Variants in SNX8 observed in about 807,000 individuals in gnomAD.
The protein encoded by SNX8 is sorting nexin 8.
A neutral mutation model predicts 51.6 loss-of-function variants in SNX8; 25 were observed. The ratio of observed to expected loss-of-function variants is 0.48; its 90% confidence interval spans 0.35 to 0.68. The LOEUF (loss-of-function observed/expected upper bound fraction) is 0.68, where lower values mean the gene tolerates loss of function less well. Ranked by LOEUF, SNX8 falls within the 30% of genes least tolerant of loss-of-function variation. The probability of loss-of-function intolerance (pLI) is 0.00; values close to 1 mark genes in which losing one functional copy is unlikely to be tolerated. For missense variants in SNX8, 695 were observed against 624.0 expected (o/e 1.11, Z -1.21); for synonymous variants, 324 against 277.0 (o/e 1.17, Z -1.68).
chr7:2,348,895 G>A (rs1014217488), intron 1 of SNX8, among the ~76,000 whole-genome samples: 3 of 145,476 alleles, frequency 2.1e-5, no homozygotes, highest in Non-Finnish European at 4.5e-5. Context: ...GAGTTACAGT[G>A]AGCAGAGATT....
chr7:2,302,952 C>T lies in SNX8; in HGVS notation c.94+11376G>A, dbSNP rs532277396. 2.6e-3 allele frequency among the ~76,000 whole-genome samples: 397 copies of T among 152,062 alleles called. 1 individual carries two copies. The highest frequency in any genetic ancestry group is 8.9e-3 in the African/African-American group (369 of 41,502). Reference sequence around the variant, plus strand: ...GAGGAGCCTCTCCGCCCAGCAGCCACCCCGTCTGGGAAGTGAGGAGCGTCT... The same window carrying T: ...GAGGAGCCTCTCCGCCCAGCAGCCATCCCGTCTGGGAAGTGAGGAGCGTCT... On this transcript the variant is annotated intron_variant, in intron 1 of 10. Coordinates refer to ENST00000222990, the MANE Select transcript of SNX8 (RefSeq NM_013321.4).
chr7:2,351,905 G>GT (rs748043966), intron 1 of SNX8, among the ~76,000 whole-genome samples: 28,117 of 87,862 alleles, frequency 0.32, 4,322 homozygotes, highest in Non-Finnish European at 0.37. Flanking sequence ...GTTGTTGTTG[G>GT]TTTTTTTTTT....
intron 1 of SNX8, among the ~76,000 whole-genome samples, chr7:2,348,372 G>A (rs1230238325): frequency 2.3e-5 from 3 of 131,280 alleles, no homozygotes; most frequent in Non-Finnish European, 4.7e-5. Context: ...ACAGAGTCTC[G>A]CTCTGTCGCC....
chr7:2,314,142 A>G (rs1044234471), intron 1 of SNX8, among the ~76,000 whole-genome samples, 186 bp downstream of exon 1: 1 of 151,412 alleles, frequency 6.6e-6, no homozygotes, highest in East Asian at 1.9e-4. Flanking sequence ...GAGCACGGGG[A>G]CCCCCAAAGG....
intron 3 of SNX8, among the ~76,000 whole-genome samples, chr7:2,273,662 G>C (rs140509961): frequency 0.024 from 3,610 of 151,900 alleles, 124 homozygotes; most frequent in African/African-American, 0.083. Context: ...CCAGCACTTT[G>C]GGAGGCTGAG....
At chr7:2,314,101 G>A (rs1445462792) in intron 1 of SNX8, among the ~76,000 whole-genome samples, 1 of 152,240 alleles carries the variant, frequency 6.6e-6, no homozygotes, top group Non-Finnish European at 1.5e-5. Flanking sequence ...GCGCAGGAGG[G>A]CAGGGGACCC....
intron 1 of SNX8, among the ~76,000 whole-genome samples, chr7:2,342,350 T>TA (rs1234426218): frequency 6.6e-6 from 1 of 150,638 alleles, no homozygotes; most frequent in Non-Finnish European, 1.5e-5. Context: ...TCTCAAGGGT[T>TA]TTATTAAGGA....
chr7:2,302,308 T>C (rs911024088), intron 1 of SNX8, among the ~76,000 whole-genome samples: 2 of 152,228 alleles, frequency 1.3e-5, no homozygotes, highest in African/African-American at 4.8e-5. Flanking sequence ...TTTCGCTGTG[T>C]TGGCCAGGCC....
intron 1 of SNX8, among the ~76,000 whole-genome samples, chr7:2,351,376 A>AC (rs1204977653): frequency 2.6e-5 from 4 of 152,020 alleles, no homozygotes; most frequent in Non-Finnish European, 5.9e-5. Context: ...ACATAGTGAG[A>AC]CCCCATCTCT....
intron 1 of SNX8, among the ~76,000 whole-genome samples, chr7:2,353,246 C>G (rs141855682): frequency 1.1e-4 from 16 of 151,876 alleles, no homozygotes; most frequent in African/African-American, 3.9e-4. Flanking sequence ...AGGCCCTGCG[C>G]GGTGGTTCAC....
At chr7:2,333,140 C>A (rs1423544600) in intron 1 of SNX8, among the ~76,000 whole-genome samples, 3 of 151,626 alleles carry the variant, frequency 2.0e-5, no homozygotes, top group Admixed American at 6.6e-5. Flanking sequence ...TCTTGAACTC[C>A]TGACCTCAAG....
intron 1 of SNX8, among the ~76,000 whole-genome samples, chr7:2,303,061 A>G (rs1384438408): frequency 9.3e-4 from 102 of 109,564 alleles, no homozygotes; most frequent in South Asian, 1.0e-3. Flanking sequence ...GGAGGTGGGG[A>G]GGTCAGCCCC....
At chr7:2,320,556 C>G (rs1056178806) in intron 1 of SNX8, among the ~76,000 whole-genome samples, 1 of 151,952 alleles carries the variant, frequency 6.6e-6, no homozygotes, top group African/African-American at 2.4e-5. Context: ...CCTGACTCTA[C>G]AAAAAATACA....
At chr7:2,348,674 C>T (rs1174973395) in intron 1 of SNX8, among the ~76,000 whole-genome samples, 4 of 151,654 alleles carry the variant, frequency 2.6e-5, no homozygotes, top group African/African-American at 7.3e-5. Context: ...AGCCAGTGGC[C>T]AGGCGCGGTG....
chr7:2,258,835 C>T (rs966509501), intron 7 of SNX8, among the ~76,000 whole-genome samples: 1 of 152,210 alleles, frequency 6.6e-6, no homozygotes, highest in Non-Finnish European at 1.5e-5. Context: ...GAGAGCCCAA[C>T]AGGGCAGTGA....
At chr7:2,265,651 A>G (rs1439227252) in intron 5 of SNX8, among the ~76,000 whole-genome samples, 1 of 152,202 alleles carries the variant, frequency 6.6e-6, no homozygotes, top group Non-Finnish European at 1.5e-5. Flanking sequence ...CAACAAAAAT[A>G]AAAACAAACA....
intron 1 of SNX8, among the ~76,000 whole-genome samples, chr7:2,344,878 T>C (rs910834604): frequency 1.3e-5 from 2 of 152,166 alleles, no homozygotes; most frequent in African/African-American, 2.4e-5. Context: ...GCCTTTTAGA[T>C]CCTTTTAATA....
chr7:2,301,080 C>A (rs1796379707), intron 1 of SNX8, among the ~76,000 whole-genome samples: 1 of 152,208 alleles, frequency 6.6e-6, no homozygotes, highest in South Asian at 2.1e-4. Context: ...AAAGTGCATT[C>A]CTGTTCTGAA....
chr7:2,257,053 C>G (rs931348714), intron 9 of SNX8, 30 bp from the exon 10 acceptor site: 6 of 1,571,520 alleles, frequency 3.8e-6, no homozygotes, highest in Non-Finnish European at 5.2e-6. Flanking sequence ...CTTTCGCACC[C>G]GGCCCAGCCG....
Sources: allele counts gnomAD v4.1 joint callset (sites outside exome capture counted in the v4.1 genomes callset), GRCh38; gene constraint gnomAD v4.1.1; transcripts MANE v1.5; gene names NCBI Gene and HGNC (gene_info 2026-07-23, HGNC 2026-07-21).